KIF1A: variants seen among roughly 807,000 people sequenced by gnomAD.
KIF1A encodes kinesin family member 1A, also known as kinesin-like protein KIF1A.
Under a neutral mutation model 227.3 loss-of-function variants are expected in KIF1A, and 46 were observed. The observed-to-expected ratio is 0.20, with a 90% CI of 0.16 to 0.26. The LOEUF is 0.26. Among genes scored for constraint, KIF1A ranks in the 10% least tolerant of loss-of-function variants. The probability of loss-of-function intolerance (pLI) is 1.00; values close to 1 mark genes in which losing one functional copy is unlikely to be tolerated. For missense variants in KIF1A, 1,683 were observed against 2,485.9 expected (o/e 0.68, Z 6.87); for synonymous variants, 1,022 against 1,012.8 (o/e 1.01, Z -0.17).
Position 240,766,898 on chromosome 2 carries a change from C to T in KIF1A, c.1684+17G>A, listed in dbSNP as rs574718771. 26 of 1,568,670 alleles carry T rather than the reference C, an allele frequency of 1.7e-5. No homozygotes were observed. Among genetic ancestry groups the T allele is most frequent in the African/African-American group, 1.1e-4 (8 of 74,164 alleles). ...ACAGGGGCATGGGTGCGGGTAGGGA[C>T]GGTAGGGTGGTGATACCTTCGCTGC... On this transcript the variant is annotated intron_variant, in intron 19 of 48. Transcript: ENST00000498729. The surrounding 1 kb of genome is among the most constrained non-coding windows in gnomAD (Gnocchi z 5.0).
At chr2:240,743,064 C>A in intron 33 of KIF1A, 80 bp from the exon 34 acceptor site, 1 of 1,132,618 alleles carries the variant, frequency 8.8e-7, no homozygotes. Context: ...GGCTACAGGC[C>A]CCAGGTGCCC....
intron 29 of KIF1A, among the ~76,000 whole-genome samples, chr2:240,746,561 A>G (rs2048621957): frequency 6.6e-6 from 1 of 152,114 alleles, no homozygotes; most frequent in South Asian, 2.1e-4. Flanking sequence ...CAGCCCCTCC[A>G]AGAGAAAAGG....
chr2:240,819,258 C>T (rs534248152), intron 1 of KIF1A, among the ~76,000 whole-genome samples: 116 of 152,296 alleles, frequency 7.6e-4, no homozygotes, highest in African/African-American at 2.6e-3. Context: ...GGCCACTGTT[C>T]CTTCGTGTCA....
chr2:240,725,438 G>A lies in KIF1A; in HGVS notation c.4123-34C>T, dbSNP rs1361367712. On this transcript the variant is annotated intron_variant, in intron 39 of 48. Coordinates refer to ENST00000498729, the MANE Select transcript of KIF1A (RefSeq NM_001244008.2). This position sits in a 1 kb window ranked among gnomAD's most constrained non-coding sequence, Gnocchi z 5.8. Reference sequence around the variant, plus strand: ...GGCGGGAGCAGGACTCAGGCACAAGGACACCCCGAGTGCCCAGGTGCCCTT... The same window carrying A: ...GGCGGGAGCAGGACTCAGGCACAAGAACACCCCGAGTGCCCAGGTGCCCTT... 6.2e-7 allele frequency: 1 copy of A among 1,606,488 alleles called. No homozygotes were observed. The highest frequency in any genetic ancestry group is 1.1e-5 in the South Asian group (1 of 90,558).
In KIF1A at chr2:240,740,336, C is replaced by G; in HGVS notation, c.3778G>C (p.Gly1260Arg). 1.2e-6 allele frequency: 2 copies of G among 1,613,784 alleles called. No individual in the cohort carries two copies. The highest frequency in any genetic ancestry group is 1.7e-6 in the Non-Finnish European group (2 of 1,179,824). Residue 1260 changes from glycine to arginine, a missense_variant, in exon 36 of 49, where the codon GGG becomes CGG. Physicochemically the swap from Gly to Arg is moderately radical, Grantham distance 125. Around this residue, in one of 12 missense-constraint regions of KIF1A, gnomAD observed 759 missense variants for 1,020.2 expected, o/e 0.74. Coordinates refer to ENST00000498729, the MANE Select transcript of KIF1A (RefSeq NM_001244008.2). This position sits in a 1 kb window ranked among gnomAD's most constrained non-coding sequence, Gnocchi z 6.1. Reference sequence around the variant, plus strand: ...AAGGTCCCCATGCATGGCATGCCCCCACGGTGGTCCACCACGGCCGGGATG... The same window carrying G: ...AAGGTCCCCATGCATGGCATGCCCCGACGGTGGTCCACCACGGCCGGGATG... ...DYIPAVVDHR[G>R]GMPCMGTFLL... is the part of the protein sequence containing the mutation.
At position 240,763,033 on chromosome 2, in the gene KIF1A, C is replaced by A; in HGVS notation, c.2008G>T (p.Glu670Ter). 6.6e-7 allele frequency: 1 copy of A among 1,518,288 alleles called. No homozygotes were observed. The highest frequency in any genetic ancestry group is 2.3e-5 in the East Asian group (1 of 43,000). The allele number at this position is 1,518,288 out of a possible 1,614,324, so 94.1% of individuals were successfully genotyped here. ...REREEATYLLEQQRLDYESKL... is the reference protein window; with the variant it reads ...REREEATYLL ...ACGTCACTCACCAGCCGCTGCTGCT[C>A]CAGCAGGTAGGTGGCCTCCTCCCGC... The change falls in exon 22 of 49, where the codon GAG (glutamate) becomes TAG (stop). Residue 670 changes from glutamate to a stop codon, truncating the protein, a stop_gained. Coordinates refer to ENST00000498729, the MANE Select transcript of KIF1A (RefSeq NM_001244008.2). LOFTEE classifies it high-confidence loss of function.
intron 6 of KIF1A, among the ~76,000 whole-genome samples, chr2:240,785,525 C>T (rs1293435777): frequency 2.0e-5 from 3 of 152,166 alleles, no homozygotes; most frequent in African/African-American, 7.2e-5. Context: ...CAGGAGATGG[C>T]ATGGGTCTCG....
chr2:240,816,633 A>G (rs1440220090), intron 1 of KIF1A, among the ~76,000 whole-genome samples: 3 of 152,174 alleles, frequency 2.0e-5, no homozygotes, highest in African/African-American at 7.2e-5. Context: ...TGCCCAGACC[A>G]CAAGGCCTGG....
Position 240,736,031 on chromosome 2 carries a change from C to T in KIF1A, c.4007+1032G>A, listed in dbSNP as rs2047280740. 6.6e-6 allele frequency among the ~76,000 whole-genome samples: 1 copy of T among 151,918 alleles called. No homozygotes were observed. The highest frequency in any genetic ancestry group is 1.5e-5 in the Non-Finnish European group (1 of 67,964). ...CCCTGACTATCCAGCTGCCCCCTGC[C>T]CTGGCTGCCCCTGCAGTGCCCTCCT... On this transcript the variant is annotated intron_variant, in intron 38 of 48. Transcript: ENST00000498729. This position sits in a 1 kb window ranked among gnomAD's most constrained non-coding sequence, Gnocchi z 4.7.
chr2:240,745,378 G>A (rs771748594), intron 32 of KIF1A, 49 bp downstream of exon 32: 28 of 1,386,638 alleles, frequency 2.0e-5, no homozygotes, highest in Admixed American at 3.4e-5. Flanking sequence ...GAGAGGCCCT[G>A]GGAGGGTCAG....
intron 17 of KIF1A, among the ~76,000 whole-genome samples, chr2:240,768,663 G>A (rs894333438): frequency 5.3e-5 from 8 of 152,158 alleles, no homozygotes; most frequent in Non-Finnish European, 8.8e-5. Flanking sequence ...GCCATGTGAG[G>A]GCCTCCAGCT....
At chr2:240,819,124 T>A (rs2058537199) in intron 1 of KIF1A, 1 of 144,582 alleles carries the variant, frequency 6.9e-6, no homozygotes, top group Admixed American at 6.8e-5. Flanking sequence ...AGCGCCCCGC[T>A]CCTGCGGACC....
At chr2:240,751,297 A>G (rs547901154) in intron 27 of KIF1A, among the ~76,000 whole-genome samples, 14 of 152,278 alleles carry the variant, frequency 9.2e-5, no homozygotes, top group African/African-American at 3.4e-4. Flanking sequence ...CCCACGCCAC[A>G]CAGCCAGGCG....
At chr2:240,743,734 T>G (rs1006447687) in intron 33 of KIF1A, among the ~76,000 whole-genome samples, 6 of 152,136 alleles carry the variant, frequency 3.9e-5, no homozygotes, top group Non-Finnish European at 8.8e-5. Context: ...CTCTCTGCAG[T>G]CCCGAAGGAG....
rs1052899155 is a variant in KIF1A at position 240,775,402 on chromosome 2, C to A, written c.958+449G>T. ...ATCAGCGTCGGGTGCATTTCAATTC[C>A]CACCTCCCCGTCTAAGTCTCACTGC... On this transcript the variant is annotated intron_variant, in intron 11 of 48. Coordinates refer to ENST00000498729, the MANE Select transcript of KIF1A (RefSeq NM_001244008.2). This position sits in a 1 kb window ranked among gnomAD's most constrained non-coding sequence, Gnocchi z 5.5. Among the ~76,000 whole-genome samples, 1 of 152,188 alleles carries A rather than the reference C, an allele frequency of 6.6e-6. No homozygotes were observed. Among genetic ancestry groups the A allele is most frequent in the African/African-American group, 2.4e-5 (1 of 41,452 alleles).
At position 240,739,483 on chromosome 2, in the gene KIF1A, C is replaced by A. The variant is rs1398364191; in HGVS notation, c.3901+575G>T. Reference sequence around the variant, plus strand: ...AAGGGGACCTTATTTGGAAGTAGGGCTTTGCAGAGGTGATCAAACTGAGTA... The same window carrying A: ...AAGGGGACCTTATTTGGAAGTAGGGATTTGCAGAGGTGATCAAACTGAGTA... On this transcript the variant is annotated intron_variant, in intron 37 of 48. Coordinates refer to ENST00000498729, the MANE Select transcript of KIF1A (RefSeq NM_001244008.2). The surrounding 1 kb of genome is among the most constrained non-coding windows in gnomAD (Gnocchi z 5.6). Among the ~76,000 whole-genome samples, 2 of 152,154 alleles carry A rather than the reference C, an allele frequency of 1.3e-5. No individual in the cohort carries two copies. The highest frequency in any genetic ancestry group is 4.8e-5 in the African/African-American group (2 of 41,432).
At chr2:240,786,074 C>A (rs943828976) in intron 6 of KIF1A, among the ~76,000 whole-genome samples, 6 of 152,188 alleles carry the variant, frequency 3.9e-5, no homozygotes, top group South Asian at 4.1e-4. Context: ...TGCCAGCACC[C>A]CCCGGGCACC....
rs988750791 is a variant in KIF1A at position 240,739,639 on chromosome 2, G to T, written c.3901+419C>A. Among the ~76,000 whole-genome samples the T allele has an allele frequency of 6.6e-6, 1 of 152,152 alleles. No individual in the cohort carries two copies. Among genetic ancestry groups the T allele is most frequent in the Non-Finnish European group, 1.5e-5 (1 of 68,042 alleles). ...ATGCAGTGATGCGTCTGCAGGCCAGGGTCGCCCAAGATGCTGGCCACCACC... is the reference window on the plus strand; with the variant it reads ...ATGCAGTGATGCGTCTGCAGGCCAGTGTCGCCCAAGATGCTGGCCACCACC... On this transcript the variant is annotated intron_variant, in intron 37 of 48. Coordinates refer to ENST00000498729, the MANE Select transcript of KIF1A (RefSeq NM_001244008.2). The surrounding 1 kb of genome is among the most constrained non-coding windows in gnomAD (Gnocchi z 5.6).
At position 240,745,394 on chromosome 2, in the gene KIF1A, G is replaced by A. The variant is rs371642239; in HGVS notation, c.3465+33C>T. 153 of 1,512,532 alleles carry A rather than the reference G, an allele frequency of 1.0e-4. 1 individual carries two copies. The highest frequency in any genetic ancestry group is 2.4e-5 in the Non-Finnish European group (26 of 1,089,376). 93.7% of individuals were successfully genotyped at this position (1,512,532 alleles called of 1,614,324 possible). On this transcript the variant is annotated intron_variant, in intron 32 of 48. Coordinates refer to ENST00000498729, the MANE Select transcript of KIF1A (RefSeq NM_001244008.2). ...AGAGGCCCTGGGAGGGTCAGTCAGT[G>A]GCAGGGATGGGGAGAAGTGCCCAGG...
Sources: gnomAD v4.1 joint callset for allele counts (sites outside exome capture counted in the v4.1 genomes callset) on GRCh38, gnomAD v4.1.1 for gene constraint, gnomAD v4.1.1 regional missense constraint, Gnocchi (gnomAD v3.1) non-coding constraint, MANE v1.5 for transcripts, NCBI Gene and HGNC (gene_info 2026-07-23, HGNC 2026-07-21) for gene names.